Variants in NCKAP5 observed in about 807,000 individuals in gnomAD.
The protein encoded by NCKAP5 is nck-associated protein 5.
Under a neutral mutation model 167.0 loss-of-function variants are expected in NCKAP5, and 92 were observed. The ratio of observed to expected loss-of-function variants is 0.55; its 90% CI spans 0.47 to 0.66. The LOEUF is 0.66. Among genes scored for constraint, NCKAP5 ranks in the 30% least tolerant of loss-of-function variants. NCKAP5 has a pLI of 0.00. For synonymous variants in NCKAP5, 891 were observed against 877.4 expected (o/e 1.02, Z -0.27); for missense variants, 2,378 against 2,315.0 (o/e 1.03, Z -0.56).
intron 19 of NCKAP5, among the ~76,000 whole-genome samples, chr2:132,712,421 G>A (rs7581693): frequency 0.11 from 16,702 of 152,160 alleles, 1,007 homozygotes; most frequent in African/African-American, 0.17. Context: ...GGAGGCCAAG[G>A]GGGGCGGATC....
chr2:133,134,616 A>G (rs184998211), intron 5 of NCKAP5, among the ~76,000 whole-genome samples: 250 of 152,356 alleles, frequency 1.6e-3, no homozygotes, highest in African/African-American at 5.0e-3. Context: ...TAGACAAAGA[A>G]TCAAACATAC....
intron 3 of NCKAP5, among the ~76,000 whole-genome samples, chr2:133,344,005 G>T (rs1311218655): frequency 6.6e-6 from 1 of 152,214 alleles, no homozygotes; most frequent in East Asian, 1.9e-4. Context: ...AAGAAGCAAA[G>T]TTGGGTAAGG....
At chr2:133,238,141 C>T (rs577752333) in intron 4 of NCKAP5, among the ~76,000 whole-genome samples, 17 of 152,232 alleles carry the variant, frequency 1.1e-4, no homozygotes, top group African/African-American at 3.9e-4. Context: ...TTTAGTTTTT[C>T]TCAAAAAAGT....
At chr2:133,234,310 A>C (rs555105701) in intron 4 of NCKAP5, among the ~76,000 whole-genome samples, 1 of 152,224 alleles carries the variant, frequency 6.6e-6, no homozygotes, top group African/African-American at 2.4e-5. Flanking sequence ...CACAGCATGG[A>C]GCAAATCAGC....
At chr2:133,124,835 C>T (rs576400139) in intron 6 of NCKAP5, among the ~76,000 whole-genome samples, 1 of 152,238 alleles carries the variant, frequency 6.6e-6, no homozygotes, top group South Asian at 2.1e-4. Flanking sequence ...ATCACCTGAG[C>T]CCAGGAGTTT....
intron 6 of NCKAP5, among the ~76,000 whole-genome samples, chr2:132,998,321 A>G (rs1205008283): frequency 2.0e-5 from 3 of 152,236 alleles, no homozygotes; most frequent in Admixed American, 1.3e-4. Context: ...TTATACTTAA[A>G]AAATAGGAAA....
At chr2:132,673,421 A>G in intron 19 of NCKAP5, 116 bp from the exon 20 acceptor site, 2 of 800,996 alleles carry the variant, frequency 2.5e-6, no homozygotes, top group Non-Finnish European at 3.5e-6. Context: ...GAGAAAACCT[A>G]CAAGTCTTTA....
At chr2:133,094,568 A>G (rs182164926) in intron 6 of NCKAP5, among the ~76,000 whole-genome samples, 12 of 152,254 alleles carry the variant, frequency 7.9e-5, no homozygotes, top group Admixed American at 3.3e-4. Flanking sequence ...ATGTGTTTAC[A>G]TATGTGGTGG....
intron 6 of NCKAP5, among the ~76,000 whole-genome samples, chr2:133,119,283 C>A (rs768502320): frequency 6.6e-6 from 1 of 152,120 alleles, no homozygotes; most frequent in African/African-American, 2.4e-5. Context: ...GGATTACAGA[C>A]GTGAGCCACC....
chr2:133,210,257 T>C (rs904881154), intron 5 of NCKAP5, among the ~76,000 whole-genome samples: 1 of 150,832 alleles, frequency 6.6e-6, no homozygotes, highest in Non-Finnish European at 1.5e-5. Flanking sequence ...TGGGACTATC[T>C]TAAAACTTGT....
chr2:132,764,859 C>T (rs1392742605), intron 16 of NCKAP5, among the ~76,000 whole-genome samples: 2 of 152,208 alleles, frequency 1.3e-5, no homozygotes, highest in East Asian at 1.9e-4. Context: ...TTCTAAGATA[C>T]ACTTTTATTT....
the NCKAP5 span, among the ~76,000 whole-genome samples, chr2:133,674,154 A>C: frequency 6.6e-6 from 1 of 152,268 alleles, no homozygotes; most frequent in Non-Finnish European, 1.5e-5. Context: ...TATCAGAATA[A>C]AGCAAGGCAT....
At chr2:133,229,693 C>T (rs1476336157) in intron 4 of NCKAP5, among the ~76,000 whole-genome samples, 1 of 152,156 alleles carries the variant, frequency 6.6e-6, no homozygotes, top group Non-Finnish European at 1.5e-5. Context: ...TGGACACAGG[C>T]ACTCTTGGCA....
intron 4 of NCKAP5, among the ~76,000 whole-genome samples, chr2:133,247,320 T>C (rs865838544): frequency 6.6e-6 from 1 of 152,208 alleles, no homozygotes; most frequent in Non-Finnish European, 1.5e-5. Flanking sequence ...GACGTTGTTA[T>C]AAAAACTGTG....
At chr2:133,289,975 G>C (rs72987640) in intron 4 of NCKAP5, among the ~76,000 whole-genome samples, 8,641 of 152,134 alleles carry the variant, frequency 0.057, 561 homozygotes, top group African/African-American at 0.15. Flanking sequence ...AGAACAGCAA[G>C]GGGGAAATTC....
chr2:132,907,582 C>T (rs978206298), intron 8 of NCKAP5, among the ~76,000 whole-genome samples: 2 of 145,300 alleles, frequency 1.4e-5, no homozygotes, highest in Non-Finnish European at 3.0e-5. Context: ...GTATGATTGC[C>T]TCATAATCAA....
At chr2:132,871,090 G>A (rs1428755641) in intron 9 of NCKAP5, among the ~76,000 whole-genome samples, 2 of 152,130 alleles carry the variant, frequency 1.3e-5, no homozygotes, top group Non-Finnish European at 2.9e-5. Flanking sequence ...ACAAGTTACA[G>A]AACTACCACA....
chr2:133,136,048 G>T (rs550130602), intron 5 of NCKAP5, among the ~76,000 whole-genome samples: 1 of 152,240 alleles, frequency 6.6e-6, no homozygotes, highest in Admixed American at 6.5e-5. Flanking sequence ...TTTTAAATAT[G>T]ATTTTGATGT....
At chr2:133,403,751 C>G (rs941319230) in intron 3 of NCKAP5, among the ~76,000 whole-genome samples, 2 of 152,218 alleles carry the variant, frequency 1.3e-5, no homozygotes, top group East Asian at 3.8e-4. Flanking sequence ...CTCATTCCAC[C>G]AGTCCCAAAT....
Sources: allele counts gnomAD v4.1 joint callset (sites outside exome capture counted in the v4.1 genomes callset), GRCh38; gene constraint gnomAD v4.1.1; transcripts MANE v1.5; gene names NCBI Gene and HGNC (gene_info 2026-07-23, HGNC 2026-07-21).